The following SEPTIN9 variants were observed in gnomAD, a reference collection of about 807,000 sequenced individuals.
The protein encoded by SEPTIN9 is septin 9, also known as septin-9.
In SEPTIN9, 13 loss-of-function variants were observed where a neutral mutation model predicts 56.6. The observed-to-expected ratio is 0.23, with a 90% confidence interval of 0.15 to 0.37. The LOEUF (loss-of-function observed/expected upper bound fraction) is 0.37, where lower values mean the gene tolerates loss of function less well. Among genes scored for constraint, SEPTIN9 ranks in the 10% least tolerant of loss-of-function variants. The pLI, the probability that SEPTIN9 is intolerant of heterozygous loss-of-function variation, is 1.00. For missense variants in SEPTIN9, 650 were observed against 823.1 expected (o/e 0.79, Z 2.57); for synonymous variants, 332 against 334.1 (o/e 0.99, Z 0.07).
intron 3 of SEPTIN9, chr17:77,469,805 C>G (rs1383157518): frequency 7.5e-6 from 1 of 132,574 alleles, no homozygotes; most frequent in African/African-American, 4.2e-5. Context: ...ATCCACGCAC[C>G]CACCCATCCA....
Position 77,475,172 on chromosome 17 carries a change from A to G in SEPTIN9, c.722-6972A>G, listed in dbSNP as rs2143100900. The stretch of plus-strand genomic sequence containing the variant: ...AGCCGGGCTGGGGTGAGCGTGATGG[A>G]TGAGGTGTCTGGCTTCACAAACCCT... On this transcript the variant is annotated intron_variant, in intron 3 of 11. Transcript: ENST00000427177. This position sits in a 1 kb window ranked among gnomAD's most constrained non-coding sequence, Gnocchi z 4.6. 3.5e-6 allele frequency: 4 copies of G among 1,138,108 alleles called. No homozygotes were observed. The South Asian group carries it at 1.2e-4, about 33-fold the overall frequency. The allele number at this position is 1,138,108 out of a possible 1,614,324, so 70.5% of individuals were successfully genotyped here.
intron 1 of SEPTIN9, among the ~76,000 whole-genome samples, chr17:77,291,716 G>C (rs931735573): frequency 6.6e-6 from 1 of 152,094 alleles, no homozygotes; most frequent in Non-Finnish European, 1.5e-5. Context: ...AGCCTCAAGC[G>C]ATCCTCCTGC....
intron 3 of SEPTIN9, among the ~76,000 whole-genome samples, chr17:77,417,538 G>A (rs770526021): frequency 2.6e-5 from 4 of 152,114 alleles, no homozygotes; most frequent in Non-Finnish European, 2.9e-5. Context: ...TAGAACATTC[G>A]TAGAGAGGAC....
At chr17:77,368,315 G>GTTT (rs141081064) in intron 2 of SEPTIN9, among the ~76,000 whole-genome samples, 3 of 143,418 alleles carry the variant, frequency 2.1e-5, no homozygotes, top group Non-Finnish European at 3.1e-5. Flanking sequence ...TTTTGTTTTT[G>GTTT]TTTTTTTTTT....
chr17:77,380,825 C>T (rs1461061323), intron 2 of SEPTIN9, among the ~76,000 whole-genome samples: 1 of 152,210 alleles, frequency 6.6e-6, no homozygotes, highest in Non-Finnish European at 1.5e-5. Context: ...TCTTGAGGGA[C>T]AGCGGAAGGG....
At chr17:77,417,837 GAGGGGGGGTTCCAGGAACCC>G (rs895912016) in intron 3 of SEPTIN9, among the ~76,000 whole-genome samples, 9 of 152,326 alleles carry the variant, frequency 5.9e-5, no homozygotes, top group African/African-American at 2.2e-4. Flanking sequence ...CCTCCTACCG[GAGGGGGGGTTCCAGGAACCC>G]AGCCTTGCTC....
At chr17:77,407,909 G>T (rs535663163) in intron 3 of SEPTIN9, among the ~76,000 whole-genome samples, 2 of 152,320 alleles carry the variant, frequency 1.3e-5, no homozygotes, top group South Asian at 4.1e-4. Flanking sequence ...GGTGGAGTGG[G>T]GTGGGGCTGG....
At chr17:77,404,193 A>T (rs2035990846) in intron 3 of SEPTIN9, among the ~76,000 whole-genome samples, 1 of 151,908 alleles carries the variant, frequency 6.6e-6, no homozygotes, top group African/African-American at 2.4e-5. Flanking sequence ...CCATCGGTGG[A>T]CCCTTGGGTT....
intron 3 of SEPTIN9, chr17:77,454,490 C>A: frequency 1.8e-6 from 1 of 569,544 alleles, no homozygotes; most frequent in Non-Finnish European, 2.2e-6. Flanking sequence ...GCTGGGAAGG[C>A]GCGGGTCTAA....
In SEPTIN9 at chr17:77,499,727, A is replaced by G; in HGVS notation, c.*1069A>G. 3.0e-6 allele frequency: 1 copy of G among 336,308 alleles called. No homozygotes were observed. The highest frequency in any genetic ancestry group is 5.1e-5 in the East Asian group (1 of 19,530). The allele number at this position is 336,308 out of a possible 1,614,324, so 20.8% of individuals were successfully genotyped here. ...CCAAGACTGGGCTGTAGTTACATTA[A>G]TGCCCAGCCAGCCACCCCTGCCACT... On this transcript the variant is annotated 3_prime_UTR_variant, in exon 12 of 12. Coordinates refer to ENST00000427177, the MANE Select transcript of SEPTIN9 (RefSeq NM_001113491.2).
intron 2 of SEPTIN9, among the ~76,000 whole-genome samples, chr17:77,365,729 T>G (rs1473372529): frequency 6.6e-6 from 1 of 152,172 alleles, no homozygotes; most frequent in African/African-American, 2.4e-5. Context: ...TTCCACCTGC[T>G]GGGCCTTACG....
In SEPTIN9 at chr17:77,405,603, A is replaced by G. The variant is rs984129545; in HGVS notation, c.721+2900A>G. ...GCTGACAGTCCTGAGGGCCTAAGCAAGTCCAGGTGGAGGAAATGCAGGGAC... is the reference window on the plus strand; with the variant it reads ...GCTGACAGTCCTGAGGGCCTAAGCAGGTCCAGGTGGAGGAAATGCAGGGAC... On this transcript the variant is annotated intron_variant, in intron 3 of 11. Transcript: ENST00000427177. The surrounding 1 kb of genome is among the most constrained non-coding windows in gnomAD (Gnocchi z 5.8). Among the ~76,000 whole-genome samples, 2 of 151,966 alleles carry G rather than the reference A, an allele frequency of 1.3e-5. No homozygotes were observed. Among genetic ancestry groups the G allele is most frequent in the African/African-American group, 4.8e-5 (2 of 41,342 alleles).
At chr17:77,481,053 T>C (rs1442970040) in intron 3 of SEPTIN9, among the ~76,000 whole-genome samples, 2 of 152,192 alleles carry the variant, frequency 1.3e-5, no homozygotes, top group African/African-American at 4.8e-5. Flanking sequence ...TGCTGGGACC[T>C]GGCCCGTGTA....
rs1175595403 is a variant in SEPTIN9 at position 77,451,594 on chromosome 17, G to A, written c.722-30550G>A. 4 of 972,098 alleles carry A rather than the reference G, an allele frequency of 4.1e-6. No homozygotes were observed. Among genetic ancestry groups the A allele is most frequent in the Non-Finnish European group, 4.9e-6 (4 of 817,910 alleles). 60.2% of individuals were successfully genotyped at this position (972,098 alleles called of 1,614,324 possible). A position where few individuals can be genotyped will look rare whatever the true frequency, so the allele number is the denominator to read the frequency against. On this transcript the variant is annotated intron_variant, in intron 3 of 11. Coordinates refer to ENST00000427177, the MANE Select transcript of SEPTIN9 (RefSeq NM_001113491.2). This position sits in a 1 kb window ranked among gnomAD's most constrained non-coding sequence, Gnocchi z 4.2. ...GGCTCGGGGGCTCTCAGGTGGCGCG[G>A]CCGCGAGGCGGACCCTGATGGCCAT...
At chr17:77,285,404 T>G (rs2031228386) in intron 1 of SEPTIN9, among the ~76,000 whole-genome samples, 1 of 152,098 alleles carries the variant, frequency 6.6e-6, no homozygotes, top group Non-Finnish European at 1.5e-5. Context: ...TTTTTTTATT[T>G]TTTATTTTTT....
rs1380578835 is a variant in SEPTIN9, at chr17:77,318,181, C to A, written c.76+10984C>A. 4.6e-5 allele frequency among the ~76,000 whole-genome samples: 7 copies of A among 152,126 alleles called. No individual in the cohort carries two copies. Among genetic ancestry groups the A allele is most frequent in the Non-Finnish European group, 1.0e-4 (7 of 68,012 alleles). On this transcript the variant is annotated intron_variant, in intron 2 of 11. Transcript: ENST00000427177. This position sits in a 1 kb window ranked among gnomAD's most constrained non-coding sequence, Gnocchi z 4.9. ...TCCCAGGTGCCAAAAAGGTTGGGGG[C>A]CACTGCCTTCATCGCCTGCCCCTTT...
chr17:77,331,299 G>A lies in SEPTIN9; in HGVS notation c.76+24102G>A, dbSNP rs111416645. ...CAGTGTCCTGGGCCTATGTCACTGC[G>A]TCAGAGGGAGAGAGGAAGAGGCTGG... On this transcript the variant is annotated intron_variant, in intron 2 of 11. Coordinates refer to ENST00000427177, the MANE Select transcript of SEPTIN9 (RefSeq NM_001113491.2). 8.5e-5 allele frequency among the ~76,000 whole-genome samples: 13 copies of A among 152,342 alleles called. No homozygotes were observed. In the East Asian group the frequency reaches 1.9e-3, roughly 23 times the overall value.
At chr17:77,497,741 A>AC (rs1438895460) in intron 11 of SEPTIN9, 1 of 329,390 alleles carries the variant, frequency 3.0e-6, no homozygotes, top group Non-Finnish European at 5.8e-6. Context: ...TCTGACCCCT[A>AC]CCCCTTTCAC....
intron 7 of SEPTIN9, 70 bp downstream of exon 7, chr17:77,488,934 G>A: frequency 6.3e-7 from 1 of 1,581,300 alleles, no homozygotes. Context: ...GGGACTGCAA[G>A]ACGGTGCTGT....
Sources: allele counts gnomAD v4.1 joint callset (sites outside exome capture counted in the v4.1 genomes callset), GRCh38; gene constraint gnomAD v4.1.1; non-coding constraint Gnocchi (gnomAD v3.1); transcripts MANE v1.5; gene names NCBI Gene and HGNC (gene_info 2026-07-23, HGNC 2026-07-21).